Variants in ADCK1 observed in about 807,000 individuals in gnomAD.
The protein encoded by ADCK1 is aarF domain-containing protein kinase 1.
Under a neutral mutation model 52.3 loss-of-function variants are expected in ADCK1, and 41 were observed. The observed-to-expected ratio is 0.78, with a 90% CI of 0.61 to 1.02. The LOEUF (loss-of-function observed/expected upper bound fraction) is 1.02, where lower values mean the gene tolerates loss of function less well. Ranked by LOEUF, ADCK1 falls within the 50% of genes least tolerant of loss-of-function variation. The pLI, the probability that ADCK1 is intolerant of heterozygous loss-of-function variation, is 0.00. For synonymous variants in ADCK1, 250 were observed against 274.6 expected, an observed-to-expected ratio of 0.91 and a Z score of 0.89; for missense variants, 658 against 679.5, an observed-to-expected ratio of 0.97 and a Z score of 0.35.
chr14:77,804,309 C>G (rs761607673), intron 1 of ADCK1, among the ~76,000 whole-genome samples: 4 of 152,108 alleles, frequency 2.6e-5, no homozygotes, highest in African/African-American at 4.8e-5. Context: ...TACAATACCC[C>G]GAGGGAAGCA....
intron 1 of ADCK1, among the ~76,000 whole-genome samples, chr14:77,807,348 G>T (rs527481133): frequency 2.8e-4 from 42 of 149,334 alleles, no homozygotes; most frequent in African/African-American, 9.6e-4. Context: ...GACTACAGGC[G>T]TGAGCCACCG....
At position 77,924,000 on chromosome 14, in the gene ADCK1, G is replaced by A. The variant is rs955870535; in HGVS notation, c.859-457G>A. On this transcript the variant is annotated intron_variant, in intron 7 of 10. Transcript: ENST00000238561. This position sits in a 1 kb window ranked among gnomAD's most constrained non-coding sequence, Gnocchi z 4.3. ...GGAGGCGGTGGGGTCACCTGCTCCTGATCCTCAGCCCCCTCACCCTGTTCT... is the reference window on the plus strand; with the variant it reads ...GGAGGCGGTGGGGTCACCTGCTCCTAATCCTCAGCCCCCTCACCCTGTTCT... The A allele has an allele frequency of 2.1e-4, 32 of 155,326 alleles. No homozygotes were observed. The highest frequency in any genetic ancestry group is 3.3e-4 in the Non-Finnish European group (23 of 70,294). The allele number at this position is 155,326 out of a possible 1,614,324, so 9.6% of individuals were successfully genotyped here.
chr14:77,896,771 C>T lies in ADCK1; in HGVS notation c.583-2329C>T, dbSNP rs192848519. On this transcript the variant is annotated intron_variant, in intron 5 of 10. Transcript: ENST00000238561. The stretch of plus-strand genomic sequence containing the variant: ...GATACAAACAAAACATAAACTAAAT[C>T]AATTATCATAAGGTCACAGGTCTAG... Among the ~76,000 whole-genome samples the T allele has an allele frequency of 4.7e-3, 716 of 152,320 alleles. 11 individuals are homozygous for T. Among genetic ancestry groups the T allele is most frequent in the Non-Finnish European group, 4.2e-3 (285 of 68,032 alleles).
At chr14:77,846,162 C>T (rs562510149) in intron 3 of ADCK1, among the ~76,000 whole-genome samples, 4 of 152,300 alleles carry the variant, frequency 2.6e-5, no homozygotes, top group Non-Finnish European at 4.4e-5. Context: ...CTCCTTCCGA[C>T]CATCTCTGCT....
chr14:77,915,890 G>C (rs1216791465), intron 7 of ADCK1, among the ~76,000 whole-genome samples: 1 of 152,116 alleles, frequency 6.6e-6, no homozygotes, highest in Non-Finnish European at 1.5e-5. Flanking sequence ...TTGTAAAGTG[G>C]GATACAAGAG....
chr14:77,828,930 C>T (rs1350275195), intron 3 of ADCK1, among the ~76,000 whole-genome samples: 1 of 151,376 alleles, frequency 6.6e-6, no homozygotes, highest in Admixed American at 6.6e-5. Flanking sequence ...ATATCCAAAA[C>T]AATCATTATT....
intron 4 of ADCK1, among the ~76,000 whole-genome samples, chr14:77,873,623 G>A (rs1489130392): frequency 1.3e-5 from 2 of 152,194 alleles, no homozygotes; most frequent in African/African-American, 4.8e-5. Flanking sequence ...CCCCATGCAA[G>A]TCTCATCTTG....
At chr14:77,886,575 G>A (rs1471972667) in intron 4 of ADCK1, among the ~76,000 whole-genome samples, 1 of 152,126 alleles carries the variant, frequency 6.6e-6, no homozygotes, top group African/African-American at 2.4e-5. Context: ...TACCGTGAAT[G>A]TCCAGCAGTG....
intron 4 of ADCK1, among the ~76,000 whole-genome samples, chr14:77,883,690 G>A (rs536253846): frequency 1.4e-4 from 22 of 152,208 alleles, no homozygotes; most frequent in African/African-American, 5.3e-4. Flanking sequence ...ATGGCTGCAG[G>A]GACACTGGGG....
At chr14:77,807,144 C>T (rs572022345) in intron 1 of ADCK1, among the ~76,000 whole-genome samples, 1 of 140,784 alleles carries the variant, frequency 7.1e-6, no homozygotes, top group Non-Finnish European at 1.5e-5. Context: ...TCTCGGCTCA[C>T]TGCAAGCTCC....
At chr14:77,800,699 A>C (rs2081090793) in intron 1 of ADCK1, among the ~76,000 whole-genome samples, 1 of 152,246 alleles carries the variant, frequency 6.6e-6, no homozygotes, top group Non-Finnish European at 1.5e-5. Context: ...CTTCCAGATC[A>C]CACAGTAGAT....
intron 1 of ADCK1, among the ~76,000 whole-genome samples, chr14:77,810,064 A>G (rs1388031408): frequency 6.6e-6 from 1 of 151,312 alleles, no homozygotes; most frequent in Non-Finnish European, 1.5e-5. Flanking sequence ...AAAAATTACA[A>G]GAGAGTCTTA....
intron 7 of ADCK1, among the ~76,000 whole-genome samples, chr14:77,914,940 A>AT (rs199854147): frequency 6.0e-5 from 9 of 149,326 alleles, no homozygotes; most frequent in South Asian, 2.1e-4. Context: ...GTACCCCCTT[A>AT]CCCCCACTGT....
Position 77,814,592 on chromosome 14 carries a change from G to A in ADCK1, c.-11-4376G>A, listed in dbSNP as rs183530270. 1.7e-3 allele frequency among the ~76,000 whole-genome samples: 251 copies of A among 150,568 alleles called. 1 individual carries two copies. The highest frequency in any genetic ancestry group is 2.4e-3 in the Admixed American group (36 of 15,104). On this transcript the variant is annotated intron_variant, in intron 1 of 10. Coordinates refer to ENST00000238561, the MANE Select transcript of ADCK1 (RefSeq NM_020421.4). Reference sequence around the variant, plus strand: ...TTTACAACAAAAATTAGCCCACTCCGGAGGCTGAGATGGGAGGATTGCTTG... The same window carrying A: ...TTTACAACAAAAATTAGCCCACTCCAGAGGCTGAGATGGGAGGATTGCTTG...
chr14:77,909,564 G>C (rs565366739), intron 7 of ADCK1, among the ~76,000 whole-genome samples: 1 of 152,148 alleles, frequency 6.6e-6, no homozygotes, highest in African/African-American at 2.4e-5. Flanking sequence ...ATGAGCCCAG[G>C]GGGGTGGCAG....
intron 3 of ADCK1, among the ~76,000 whole-genome samples, chr14:77,824,074 T>G (rs2140042877): frequency 6.6e-6 from 1 of 151,836 alleles, no homozygotes; most frequent in African/African-American, 2.4e-5. Flanking sequence ...AATTTTTGTG[T>G]TTTTAGTAGA....
chr14:77,814,057 C>T (rs2081390139), intron 1 of ADCK1, among the ~76,000 whole-genome samples: 1 of 148,630 alleles, frequency 6.7e-6, no homozygotes, highest in African/African-American at 2.5e-5. Flanking sequence ...TGTGAGCCAC[C>T]ACGCCGAGCC....
chr14:77,827,310 C>A (rs1378815003), intron 3 of ADCK1, among the ~76,000 whole-genome samples: 1 of 147,050 alleles, frequency 6.8e-6, no homozygotes, highest in African/African-American at 2.5e-5. Flanking sequence ...TGAGATTGGG[C>A]CACTGCACTC....
chr14:77,907,021 A>T lies in ADCK1; in HGVS notation c.742-782A>T, dbSNP rs1299161012. Among the ~76,000 whole-genome samples, 3 of 152,100 alleles carry T rather than the reference A, an allele frequency of 2.0e-5. 1 individual carries two copies. Among genetic ancestry groups the T allele is most frequent in the African/African-American group, 7.2e-5 (3 of 41,398 alleles). On this transcript the variant is annotated intron_variant, in intron 6 of 10. Coordinates refer to ENST00000238561, the MANE Select transcript of ADCK1 (RefSeq NM_020421.4). ...TCACAGCACACTGGCTTTGACAGCG[A>T]TCCTCCCACCTTAGCCTCCCAAGCT...
Sources: gnomAD v4.1 joint callset for allele counts (sites outside exome capture counted in the v4.1 genomes callset) on GRCh38, gnomAD v4.1.1 for gene constraint, Gnocchi (gnomAD v3.1) non-coding constraint, MANE v1.5 for transcripts, NCBI Gene and HGNC (gene_info 2026-07-23, HGNC 2026-07-21) for gene names.